The following USP49 variants were observed in gnomAD, a reference collection of about 807,000 sequenced individuals.
USP49 encodes ubiquitin carboxyl-terminal hydrolase 49.
A neutral mutation model predicts 58.6 loss-of-function variants in USP49; 24 were observed. That is an observed-to-expected ratio of 0.41 (90% CI 0.30 to 0.58). USP49 has a LOEUF of 0.58. Ranked by LOEUF, USP49 falls within the 20% of genes least tolerant of loss-of-function variation. The pLI is 0.30. For missense variants in USP49, 703 were observed against 866.1 expected, an observed-to-expected ratio of 0.81 and a Z score of 2.36; for synonymous variants, 408 against 365.1, an observed-to-expected ratio of 1.12 and a Z score of -1.34.
intron 7 of USP49, chr6:41,797,631 T>C (rs1265974158): frequency 1.0e-6 from 1 of 985,788 alleles, no homozygotes; most frequent in South Asian, 4.7e-5. Flanking sequence ...AGTAAGAACA[T>C]AGTAAGTGCT....
intron 5 of USP49, among the ~76,000 whole-genome samples, chr6:41,802,456 A>ATTTTTTTTTTTTTTTTTTTTT (rs1186521851): frequency 4.3e-5 from 3 of 70,294 alleles, no homozygotes; most frequent in African/African-American, 5.8e-5. Context: ...TTATTTATTT[A>ATTTTTTTTTTTTTTTTTTTTT]TTTATTTATT....
intron 3 of USP49, among the ~76,000 whole-genome samples, chr6:41,809,490 A>G (rs1235083536): frequency 6.6e-6 from 1 of 151,908 alleles, no homozygotes; most frequent in African/African-American, 2.4e-5. Context: ...GCGCCATTGC[A>G]TTCCAGCCTG....
chr6:41,805,904 T>G lies in USP49; in HGVS notation c.1080A>C (p.Glu360Asp). The change falls in exon 4 of 8, where the codon GAA (glutamate) becomes GAC (aspartate). Residue 360 changes from glutamate to aspartate, a missense_variant. This residue lies in a region of USP49 where 66 missense variants were observed against 116.0 expected (regional missense o/e 0.57). Coordinates refer to ENST00000682992, the MANE Select transcript of USP49 (RefSeq NM_001286554.2). The stretch of plus-strand genomic sequence containing the variant: ...ACATGACTCGGAAGAGGGTGTGCAG[T>G]TCACGGCAGAGGGAAATGTGCTTTG... ...PSSKHISLCR[E>D]LHTLFRVMWS... 1.2e-6 allele frequency: 2 copies of G among 1,613,980 alleles called. No individual in the cohort carries two copies. The highest frequency in any genetic ancestry group is 1.7e-6 in the Non-Finnish European group (2 of 1,180,002).
At chr6:41,851,142 T>C (rs889869784) in intron 3 of USP49, among the ~76,000 whole-genome samples, 1 of 152,210 alleles carries the variant, frequency 6.6e-6, no homozygotes, top group African/African-American at 2.4e-5. Flanking sequence ...GCTCATTCTA[T>C]GATGCCAGCA....
chr6:41,856,229 G>C (rs1165849389), intron 3 of USP49, among the ~76,000 whole-genome samples: 9 of 151,794 alleles, frequency 5.9e-5, no homozygotes. Flanking sequence ...AAAAAAATTA[G>C]CCAGGCGTGG....
At chr6:41,870,847 T>G (rs940650232) in intron 3 of USP49, among the ~76,000 whole-genome samples, 1 of 151,326 alleles carries the variant, frequency 6.6e-6, no homozygotes, top group African/African-American at 2.4e-5. Context: ...AGGTCAGGAG[T>G]TTGAGACCAG....
intron 2 of USP49, among the ~76,000 whole-genome samples, chr6:41,876,717 C>T (rs1290013159): frequency 6.6e-6 from 1 of 152,040 alleles, no homozygotes; most frequent in Non-Finnish European, 1.5e-5. Context: ...CTGCCGTAAT[C>T]GAAGTTAAAA....
At chr6:41,802,788 G>A (rs1210653201) in intron 5 of USP49, among the ~76,000 whole-genome samples, 2 of 152,076 alleles carry the variant, frequency 1.3e-5, no homozygotes, top group Non-Finnish European at 2.9e-5. Context: ...GAAGCATTAA[G>A]TGTTAGTGTG....
chr6:41,840,554 A>G (rs570953887), intron 3 of USP49, among the ~76,000 whole-genome samples: 94 of 152,206 alleles, frequency 6.2e-4, no homozygotes, highest in African/African-American at 2.2e-3. Flanking sequence ...TGGGAAAGAG[A>G]GGAGGAAGTG....
chr6:41,831,174 G>A (rs554109210), intron 3 of USP49, among the ~76,000 whole-genome samples: 216 of 152,156 alleles, frequency 1.4e-3, no homozygotes, highest in Admixed American at 3.0e-3. Context: ...GGCAGATCAC[G>A]AAGTCAGGAG....
chr6:41,886,223 G>A (rs1451962706), intron 2 of USP49, among the ~76,000 whole-genome samples: 2 of 152,198 alleles, frequency 1.3e-5, no homozygotes, highest in Admixed American at 1.3e-4. Context: ...TAAAAAAGGA[G>A]AGTTAAAGAT....
At chr6:41,871,875 G>A (rs754201575) in intron 2 of USP49, among the ~76,000 whole-genome samples, 7 of 152,032 alleles carry the variant, frequency 4.6e-5, no homozygotes, top group Non-Finnish European at 8.8e-5. Context: ...AGTATTAAAG[G>A]TTTACTTCCT....
intron 3 of USP49, among the ~76,000 whole-genome samples, chr6:41,860,427 G>A (rs556725428): frequency 2.0e-5 from 3 of 152,234 alleles, no homozygotes; most frequent in East Asian, 3.9e-4. Flanking sequence ...TTTGAACACT[G>A]ACTACTATTC....
At chr6:41,821,002 AAAAT>A (rs925884286) in intron 3 of USP49, among the ~76,000 whole-genome samples, 1 of 152,216 alleles carries the variant, frequency 6.6e-6, no homozygotes, top group African/African-American at 2.4e-5. Context: ...ACCCTGTCTC[AAAAT>A]AAATAAATAA....
intron 3 of USP49, among the ~76,000 whole-genome samples, chr6:41,820,230 C>G (rs551833257): frequency 6.6e-6 from 1 of 150,748 alleles, no homozygotes; most frequent in Non-Finnish European, 1.5e-5. Context: ...ATACAGTGAG[C>G]TGCACATATT....
In USP49 at chr6:41,802,428, T is replaced by TTTTATTTTATTTTATTTTTTTTA. The variant is rs10688447; in HGVS notation, c.1561+1377_1561+1378insTAAAAAAAATAAAATAAAATAAA. 9.4e-5 allele frequency among the ~76,000 whole-genome samples: 10 copies of TTTTATTTTATTTTATTTTTTTTA among 106,438 alleles called. No homozygotes were observed. The East Asian group carries it at 1.3e-3, about 14-fold the overall frequency. 69.8% of individuals were successfully genotyped at this position (106,438 alleles called of 152,430 possible). A position where few individuals can be genotyped will look rare whatever the true frequency, so the allele number is the denominator to read the frequency against. On this transcript the variant is annotated intron_variant, in intron 5 of 7. Transcript: ENST00000682992. ...TTATTTTTTATTTTATTTTATTTTA[T>TTTTATTTTATTTTATTTTTTTTA]TTTATTTATTTATTTATTTATTTAT... is the stretch of plus-strand genomic sequence containing the variant.
intron 3 of USP49, among the ~76,000 whole-genome samples, chr6:41,810,074 C>T (rs957938310): frequency 6.6e-6 from 1 of 151,206 alleles, no homozygotes; most frequent in Non-Finnish European, 1.5e-5. Flanking sequence ...ATGGCGCGAA[C>T]CCGGGAGGCG....
chr6:41,806,324 G>A lies in USP49; in HGVS notation c.660C>T (p.Gly220=), dbSNP rs1394292679. The part of the protein sequence containing the change: ...RLLLHTPRDA[G]PAASRPAALP... Reference sequence around the variant, plus strand: ...GGGCGGCGGGGCGCGAGGCAGCCGGGCCCGCGTCGCGGGGCGTGTGCAGGA... The same window carrying A: ...GGGCGGCGGGGCGCGAGGCAGCCGGACCCGCGTCGCGGGGCGTGTGCAGGA... The change falls in exon 4 of 8, where the codon GGC becomes GGT. Residue 220 remains glycine, a synonymous_variant. Coordinates refer to ENST00000682992, the MANE Select transcript of USP49 (RefSeq NM_001286554.2). The surrounding 1 kb of genome is among the most constrained non-coding windows in gnomAD (Gnocchi z 5.9). 4 of 1,539,764 alleles carry A rather than the reference G, an allele frequency of 2.6e-6. No individual in the cohort carries two copies. The highest frequency in any genetic ancestry group is 2.5e-5 in the South Asian group (2 of 81,194).
intron 3 of USP49, among the ~76,000 whole-genome samples, chr6:41,851,436 C>T (rs1273807852): frequency 6.6e-6 from 1 of 152,028 alleles, no homozygotes; most frequent in Non-Finnish European, 1.5e-5. Context: ...AACAAAACAC[C>T]CTTTTATGAC....
Sources: gnomAD v4.1 joint callset for allele counts (sites outside exome capture counted in the v4.1 genomes callset) on GRCh38, gnomAD v4.1.1 for gene constraint, gnomAD v4.1.1 regional missense constraint, Gnocchi (gnomAD v3.1) non-coding constraint, MANE v1.5 for transcripts, NCBI Gene and HGNC (gene_info 2026-07-23, HGNC 2026-07-21) for gene names.